Variants in L3HYPDH observed in about 807,000 individuals in gnomAD.
The protein encoded by L3HYPDH is trans-L-3-hydroxyproline dehydratase.
L3HYPDH carries 32 observed loss-of-function variants against 26.5 expected under a neutral mutation model. The ratio of observed to expected loss-of-function variants is 1.21; its 90% CI spans 0.91 to 1.62. The LOEUF (loss-of-function observed/expected upper bound fraction) is 1.62. Among genes scored for constraint, L3HYPDH ranks in the 40% most tolerant of loss-of-function variants. The pLI is 0.00. For missense variants in L3HYPDH, 554 were observed against 476.4 expected (o/e 1.16, Z -1.52); for synonymous variants, 215 against 196.6 (o/e 1.09, Z -0.78).
chr14:59,483,605 G>T (rs1290928599), intron 1 of L3HYPDH: 2 of 1,433,318 alleles, frequency 1.4e-6, no homozygotes. Flanking sequence ...ACCACAGGCG[G>T]ATGGGAGTCA....
At chr14:59,475,765 C>A (rs1003149073) in intron 4 of L3HYPDH, 104 bp downstream of exon 4, 4 of 1,196,028 alleles carry the variant, frequency 3.3e-6, no homozygotes, top group Non-Finnish European at 4.6e-6. Flanking sequence ...CTTTAAAATT[C>A]TCTTCTGAGA....
chr14:59,490,150 G>C, the L3HYPDH span, among the ~76,000 whole-genome samples: 1 of 152,086 alleles, frequency 6.6e-6, no homozygotes, highest in Non-Finnish European at 1.5e-5. Context: ...TCGATCTCCT[G>C]GGCGCAAGCA....
rs1237770473 is a variant in L3HYPDH, at chr14:59,484,016, T to G, written c.301A>C (p.Ser101Arg). ...AGCACTGCGTGGCCGCACATGGAGC[T>G]GTAGCCCTCGTTGTGCAGGAACAGG... The part of the protein sequence containing the change: ...GVLFLHNEGY[S>R]SMCGHAVLAL... The change falls in exon 1 of 5, where the codon AGC becomes CGC. Residue 101 changes from serine (S) to arginine (R), a missense_variant. By Grantham distance (110) the Ser-to-Arg change is moderately radical. Transcript: ENST00000247194. 1.4e-5 allele frequency: 23 copies of G among 1,602,650 alleles called. No individual in the cohort carries two copies. The highest frequency in any genetic ancestry group is 1.9e-5 in the Non-Finnish European group (22 of 1,178,528).
Position 59,484,248 on chromosome 14 carries a change from C to T in L3HYPDH, c.69G>A (p.Val23=). ...AGGGCTCGCCGCCCGTGTGCATGTC[C>T]ACCACCGACAGCACCGGCGTCCCTG... The part of the protein sequence containing the change: ...HDPGTPVLSV[V]DMHTGGEPLR... Residue 23 remains valine (V), a synonymous_variant, in exon 1 of 5, where the codon GTG becomes GTA. Coordinates refer to ENST00000247194, the MANE Select transcript of L3HYPDH (RefSeq NM_144581.2). 1 of 1,597,990 alleles carries T rather than the reference C, an allele frequency of 6.3e-7. No individual in the cohort carries two copies. The highest frequency in any genetic ancestry group is 8.5e-7 in the Non-Finnish European group (1 of 1,179,600).
At chr14:59,484,639 C>G (rs1490312514), upstream of L3HYPDH, 1 of 1,567,566 alleles carries the variant, frequency 6.4e-7, no homozygotes, top group Non-Finnish European at 8.7e-7. Context: ...GTAGTCCCGA[C>G]TACTTTCCTA....
upstream of L3HYPDH, chr14:59,486,681 A>G (rs1458348250): frequency 7.2e-7 from 1 of 1,395,502 alleles, no homozygotes; most frequent in Admixed American, 2.2e-5. Flanking sequence ...ATCACAAAAG[A>G]TGTTACTATA....
chr14:59,472,430 C>T (rs144837774), downstream of L3HYPDH, among the ~76,000 whole-genome samples: 293 of 152,308 alleles, frequency 1.9e-3, 2 homozygotes, highest in Admixed American at 0.014. Context: ...CTTTGTGCCA[C>T]AGAGAACACC....
the L3HYPDH span, among the ~76,000 whole-genome samples, chr14:59,497,453 G>A: frequency 6.6e-6 from 1 of 152,104 alleles, no homozygotes; most frequent in Non-Finnish European, 1.5e-5. Flanking sequence ...AGTTCATTTG[G>A]AGAAACACAG....
chr14:59,486,914 T>C (rs185183240), upstream of L3HYPDH: 13 of 810,552 alleles, frequency 1.6e-5, no homozygotes, highest in Non-Finnish European at 2.5e-5. Flanking sequence ...TAAAAGAATA[T>C]GGAGGACCAG....
chr14:59,467,434 G>A (rs909758513), intron 1 of L3HYPDH, among the ~76,000 whole-genome samples: 11 of 152,150 alleles, frequency 7.2e-5, no homozygotes, highest in Admixed American at 2.6e-4. Flanking sequence ...AGGGAGGGCC[G>A]TGAGCAAGTG....
At chr14:59,471,662 T>G (rs1889314626), downstream of L3HYPDH, among the ~76,000 whole-genome samples, 2 of 152,226 alleles carry the variant, frequency 1.3e-5, no homozygotes, top group African/African-American at 4.8e-5. Context: ...CTGAATGTAC[T>G]TCAGTATGTA....
At chr14:59,500,913 C>A in the L3HYPDH span, 1 of 293,222 alleles carries the variant, frequency 3.4e-6, no homozygotes, top group Non-Finnish European at 6.2e-6. Flanking sequence ...TGGAACACAG[C>A]CGTGCCCATT....
chr14:59,472,117 CTTAGAATATT>C (rs1470988917), downstream of L3HYPDH, among the ~76,000 whole-genome samples: 6 of 152,202 alleles, frequency 3.9e-5, no homozygotes, highest in African/African-American at 1.4e-4. Context: ...AGCGTCACAT[CTTAGAATATT>C]TTAATGCTTC....
At chr14:59,478,101 T>C (rs1259306895) in intron 2 of L3HYPDH, among the ~76,000 whole-genome samples, 2 of 152,232 alleles carry the variant, frequency 1.3e-5, no homozygotes, top group East Asian at 1.9e-4. Context: ...TAATGTTCTC[T>C]ATGAAATAAG....
chr14:59,473,001 ATCT>A lies in L3HYPDH; in HGVS notation c.1026_1028del (p.Glu342del), dbSNP rs1566557836. The A allele has an allele frequency of 1.2e-6, 2 of 1,608,302 alleles. No individual in the cohort carries two copies. Among genetic ancestry groups the A allele is most frequent in the Non-Finnish European group, 1.7e-6 (2 of 1,177,918 alleles). On this transcript the variant is annotated inframe_deletion, in exon 5 of 5. Transcript: ENST00000247194. ...GAAATCCATCCCTCAATGGGTCGTC[ATCT>A]TCTATTATAAAGCTTGCTGTACCCG...
At chr14:59,505,201 AGTC>A in the L3HYPDH span, 1 of 1,092,558 alleles carries the variant, frequency 9.2e-7, no homozygotes, top group Non-Finnish European at 1.3e-6. Context: ...TTCCTGTAGT[AGTC>A]TGTCTTTTGA....
At chr14:59,498,940 A>T in the L3HYPDH span, 2 of 1,254,066 alleles carry the variant, frequency 1.6e-6, no homozygotes, top group Non-Finnish European at 2.2e-6. Flanking sequence ...AATGAAATAT[A>T]TTTATTATTG....
At chr14:59,494,945 C>T in the L3HYPDH span, 147 of 1,023,072 alleles carry the variant, frequency 1.4e-4, 1 homozygote, top group African/African-American at 1.4e-3. Context: ...TATCTTGACA[C>T]ATGTACATGT....
At chr14:59,491,218 G>A in the L3HYPDH span, among the ~76,000 whole-genome samples, 4 of 152,200 alleles carry the variant, frequency 2.6e-5, no homozygotes, top group Non-Finnish European at 4.4e-5. Context: ...TTGAGGTGGA[G>A]GGTGATGCAT....
Sources: gnomAD v4.1 joint callset for allele counts (sites outside exome capture counted in the v4.1 genomes callset) on GRCh38, gnomAD v4.1.1 for gene constraint, MANE v1.5 for transcripts, NCBI Gene and HGNC (gene_info 2026-07-23, HGNC 2026-07-21) for gene names.